Variants in EPHA5 observed in about 807,000 individuals in gnomAD.
EPHA5 encodes the protein EPH receptor A5, also known as ephrin type-A receptor 5.
EPHA5 carries 60 observed loss-of-function variants against 105.0 expected under a neutral mutation model. The ratio of observed to expected loss-of-function variants is 0.57; its 90% CI spans 0.46 to 0.71. EPHA5 has a LOEUF of 0.71. Ranked by LOEUF, EPHA5 falls within the 30% of genes least tolerant of loss-of-function variation. The pLI, the probability that EPHA5 is intolerant of heterozygous loss-of-function variation, is 0.00. For missense variants in EPHA5, 1,218 were observed against 1,274.7 expected (o/e 0.96, Z 0.68); for synonymous variants, 513 against 449.1 (o/e 1.14, Z -1.80).
chr4:65,608,458 T>A (rs1744452155), intron 2 of EPHA5, among the ~76,000 whole-genome samples: 1 of 151,168 alleles, frequency 6.6e-6, no homozygotes, highest in African/African-American at 2.4e-5. Flanking sequence ...GAGCCGAGAT[T>A]GCGCCACTGC....
At chr4:65,467,580 C>T (rs74727434) in intron 5 of EPHA5, among the ~76,000 whole-genome samples, 11,016 of 152,198 alleles carry the variant, frequency 0.072, 523 homozygotes, top group East Asian at 0.2. Flanking sequence ...GTTATCTCAA[C>T]GAAAGCCATC....
chr4:65,656,759 T>C (rs1023315392), intron 1 of EPHA5, among the ~76,000 whole-genome samples: 2 of 151,012 alleles, frequency 1.3e-5, no homozygotes, highest in African/African-American at 4.9e-5. Flanking sequence ...GGACTACAGG[T>C]GCACGCCACC....
chr4:65,540,146 T>C (rs1736677817), intron 3 of EPHA5, among the ~76,000 whole-genome samples: 1 of 151,558 alleles, frequency 6.6e-6, no homozygotes, highest in African/African-American at 2.4e-5. Flanking sequence ...ATAAATGTCA[T>C]AAACAAACTA....
At position 65,440,443 on chromosome 4, in the gene EPHA5, T is replaced by C. The variant is rs1169993977; in HGVS notation, c.1403-19878A>G. On this transcript the variant is annotated intron_variant, in intron 5 of 16. Transcript: ENST00000613740. ...TAATAATCATACAGAAATAGTGAGA[T>C]TAAGGAAAATATGTAAATCTTTTGT... Among the ~76,000 whole-genome samples, 70 of 150,486 alleles carry C rather than the reference T, an allele frequency of 4.7e-4. 1 individual carries two copies. The Admixed American group carries it at 4.7e-3, about 10-fold the overall frequency.
intron 3 of EPHA5, among the ~76,000 whole-genome samples, chr4:65,495,974 A>C (rs1189876214): frequency 6.6e-6 from 1 of 152,198 alleles, no homozygotes; most frequent in Non-Finnish European, 1.5e-5. Context: ...TGTGTTATTG[A>C]ATAATAAATT....
intron 3 of EPHA5, among the ~76,000 whole-genome samples, chr4:65,580,952 T>A (rs1741559150): frequency 6.6e-6 from 1 of 151,876 alleles, no homozygotes; most frequent in Non-Finnish European, 1.5e-5. Flanking sequence ...TTCGAAAATG[T>A]AGTGTAATTC....
At chr4:65,669,516 G>C in intron 1 of EPHA5, 46 bp downstream of exon 1, 2 of 1,328,554 alleles carry the variant, frequency 1.5e-6, no homozygotes, top group African/African-American at 3.0e-5. Context: ...GCCCCGCCTA[G>C]CCCCTCCGCC....
chr4:65,447,397 C>G (rs745618708), intron 5 of EPHA5, among the ~76,000 whole-genome samples: 1 of 151,608 alleles, frequency 6.6e-6, no homozygotes. Context: ...CCTTTTGTAC[C>G]AGTTGCTACT....
chr4:65,386,400 A>G (rs1720091839), intron 8 of EPHA5, among the ~76,000 whole-genome samples: 1 of 152,032 alleles, frequency 6.6e-6, no homozygotes, highest in Admixed American at 6.6e-5. Context: ...TGCTAATTGT[A>G]CAGTAGTTCA....
chr4:65,489,201 G>T (rs1433708537), intron 5 of EPHA5, among the ~76,000 whole-genome samples: 3 of 152,034 alleles, frequency 2.0e-5, no homozygotes, highest in Admixed American at 6.6e-5. Flanking sequence ...CCAGCCAGCT[G>T]CATGCTTTTT....
intron 3 of EPHA5, among the ~76,000 whole-genome samples, chr4:65,503,532 A>G (rs1331174398): frequency 2.6e-5 from 4 of 151,826 alleles, no homozygotes; most frequent in African/African-American, 9.7e-5. Context: ...AAGGACAGGA[A>G]TACTATTGAA....
chr4:65,563,793 A>G (rs994956850), intron 3 of EPHA5, among the ~76,000 whole-genome samples: 6 of 152,034 alleles, frequency 3.9e-5, no homozygotes, highest in Admixed American at 3.3e-4. Context: ...TTTCTGTCCT[A>G]TTGAAAAGTC....
At chr4:65,544,722 C>G (rs967372239) in intron 3 of EPHA5, among the ~76,000 whole-genome samples, 1 of 152,012 alleles carries the variant, frequency 6.6e-6, no homozygotes, top group Non-Finnish European at 1.5e-5. Flanking sequence ...AATCCCATTA[C>G]TGGGTATATA....
At chr4:65,355,640 T>C (rs1723228909) in intron 11 of EPHA5, among the ~76,000 whole-genome samples, 1 of 151,580 alleles carries the variant, frequency 6.6e-6, no homozygotes, top group South Asian at 2.1e-4. Context: ...CACGGGTATC[T>C]ATATGTCAGA....
chr4:65,660,337 T>C (rs1309570543), intron 1 of EPHA5, among the ~76,000 whole-genome samples: 1 of 152,090 alleles, frequency 6.6e-6, no homozygotes, highest in Admixed American at 6.6e-5. Context: ...ATCAAGATAA[T>C]GTCATGTGGT....
chr4:65,515,783 C>G (rs1734050411), intron 3 of EPHA5, among the ~76,000 whole-genome samples: 1 of 152,004 alleles, frequency 6.6e-6, no homozygotes, highest in Non-Finnish European at 1.5e-5. Flanking sequence ...GAGGGTGTTT[C>G]CAGAAGAGAT....
chr4:65,435,393 G>A (rs1199022909), intron 5 of EPHA5, among the ~76,000 whole-genome samples: 1 of 152,156 alleles, frequency 6.6e-6, no homozygotes, highest in East Asian at 1.9e-4. Flanking sequence ...TATTCATAAT[G>A]GCATTTGTAT....
intron 3 of EPHA5, among the ~76,000 whole-genome samples, chr4:65,504,638 A>G (rs1578274616): frequency 6.6e-6 from 1 of 151,944 alleles, no homozygotes; most frequent in African/African-American, 2.4e-5. Flanking sequence ...TGTGCTTGAC[A>G]TATAGTAGCT....
At chr4:65,401,833 C>T (rs1346758479) in intron 8 of EPHA5, among the ~76,000 whole-genome samples, 1 of 151,706 alleles carries the variant, frequency 6.6e-6, no homozygotes, top group South Asian at 2.1e-4. Flanking sequence ...ACAAATGAGA[C>T]ATTATACTAA....
Sources: gnomAD v4.1 joint callset for allele counts (sites outside exome capture counted in the v4.1 genomes callset) on GRCh38, gnomAD v4.1.1 for gene constraint, MANE v1.5 for transcripts, NCBI Gene and HGNC (gene_info 2026-07-23, HGNC 2026-07-21) for gene names.